COL25A1: variants seen among roughly 807,000 people sequenced by gnomAD.
COL25A1 encodes the protein collagen type XXV alpha 1 chain, also known as collagen alpha-1(XXV) chain.
COL25A1 carries 103 observed loss-of-function variants against 128.4 expected under a neutral mutation model. That is an observed-to-expected ratio of 0.80 (90% CI 0.68 to 0.94). The LOEUF (loss-of-function observed/expected upper bound fraction) is 0.94, where lower values mean the gene tolerates loss of function less well. Ranked by LOEUF, COL25A1 falls within the 40% of genes least tolerant of loss-of-function variation. The pLI, the probability that COL25A1 is intolerant of heterozygous loss-of-function variation, is 0.00. For missense variants in COL25A1, 745 were observed against 840.0 expected, an observed-to-expected ratio of 0.89 and a Z score of 1.40; for synonymous variants, 279 against 277.2, an observed-to-expected ratio of 1.01 and a Z score of -0.06.
At chr4:109,080,123 C>T (rs1394480815) in intron 3 of COL25A1, among the ~76,000 whole-genome samples, 2 of 152,090 alleles carry the variant, frequency 1.3e-5, no homozygotes, top group Non-Finnish European at 2.9e-5. Context: ...AAGCCATGTG[C>T]CAGGTACTGT....
chr4:109,008,164 C>A (rs1756220063), intron 6 of COL25A1, among the ~76,000 whole-genome samples: 1 of 152,204 alleles, frequency 6.6e-6, no homozygotes, highest in Non-Finnish European at 1.5e-5. Flanking sequence ...CCCATATGTC[C>A]CTCTGGCTTC....
In COL25A1 at chr4:109,227,353, G is replaced by T. The variant is rs141386141; in HGVS notation, c.367+73230C>A. The stretch of plus-strand genomic sequence containing the variant: ...AAATGATGTGAAGATGAAATACATA[G>T]CATAATGAATTGTTACTATGTGTGA... On this transcript the variant is annotated intron_variant, in intron 3 of 37. Transcript: ENST00000399132. Among the ~76,000 whole-genome samples, 10 of 152,270 alleles carry T rather than the reference G, an allele frequency of 6.6e-5. No individual in the cohort carries two copies. In the East Asian group the frequency reaches 1.9e-3, roughly 29 times the overall value.
chr4:108,934,559 TTC>T (rs1747188974), intron 11 of COL25A1, among the ~76,000 whole-genome samples: 1 of 152,218 alleles, frequency 6.6e-6, no homozygotes, highest in African/African-American at 2.4e-5. Context: ...TAGTATCCTC[TTC>T]TCTCTTTGAT....
chr4:109,054,518 A>C (rs2125950292), intron 3 of COL25A1, among the ~76,000 whole-genome samples: 1 of 152,360 alleles, frequency 6.6e-6, no homozygotes, highest in South Asian at 2.1e-4. Flanking sequence ...ATCAATAAGA[A>C]TAGTAAGCTT....
chr4:109,228,103 T>A (rs1204631923), intron 3 of COL25A1, among the ~76,000 whole-genome samples: 3 of 152,150 alleles, frequency 2.0e-5, no homozygotes, highest in African/African-American at 4.8e-5. Flanking sequence ...CAATTTGCCT[T>A]CTTTATTTTG....
chr4:109,297,813 T>G (rs1725117830), intron 3 of COL25A1, among the ~76,000 whole-genome samples: 1 of 151,468 alleles, frequency 6.6e-6, no homozygotes, highest in African/African-American at 2.4e-5. Flanking sequence ...CCAGACTATT[T>G]AGGTAAACTA....
At chr4:108,885,401 C>A (rs1264828497) in intron 18 of COL25A1, among the ~76,000 whole-genome samples, 3 of 150,944 alleles carry the variant, frequency 2.0e-5, no homozygotes, top group African/African-American at 7.3e-5. Context: ...TGATTTAGGT[C>A]AAAGTTACTT....
chr4:109,109,382 T>C (rs889706872), intron 3 of COL25A1, among the ~76,000 whole-genome samples: 2 of 152,210 alleles, frequency 1.3e-5, no homozygotes, highest in African/African-American at 4.8e-5. Context: ...CCCTTTCCTC[T>C]TTTCATGTCT....
At chr4:108,983,270 G>C (rs914271584) in intron 6 of COL25A1, among the ~76,000 whole-genome samples, 1 of 151,924 alleles carries the variant, frequency 6.6e-6, no homozygotes, top group South Asian at 2.1e-4. Flanking sequence ...TCCTTTTGTC[G>C]AAAGAAAGTA....
intron 6 of COL25A1, among the ~76,000 whole-genome samples, chr4:108,987,170 G>A (rs1255052230): frequency 6.6e-6 from 1 of 152,014 alleles, no homozygotes; most frequent in Non-Finnish European, 1.5e-5. Context: ...TCTATAACCT[G>A]CTCCTAATTT....
At chr4:109,177,285 G>C (rs1578363695) in intron 3 of COL25A1, among the ~76,000 whole-genome samples, 2 of 152,110 alleles carry the variant, frequency 1.3e-5, no homozygotes, top group African/African-American at 2.4e-5. Flanking sequence ...GTAGAGTGAG[G>C]GGGACTGACA....
chr4:109,222,062 T>TA (rs1288993240), intron 3 of COL25A1, among the ~76,000 whole-genome samples: 2 of 133,260 alleles, frequency 1.5e-5, no homozygotes, highest in African/African-American at 5.9e-5. Context: ...ATAACTTCTT[T>TA]TTTTTTTTTT....
intron 19 of COL25A1, among the ~76,000 whole-genome samples, chr4:108,883,928 G>A (rs1560801914): frequency 1.3e-5 from 2 of 152,070 alleles, no homozygotes; most frequent in Admixed American, 1.3e-4. Flanking sequence ...TCAAATGAAG[G>A]GACATTTACA....
intron 3 of COL25A1, among the ~76,000 whole-genome samples, chr4:109,244,904 A>G (rs2126235374): frequency 6.6e-6 from 1 of 152,264 alleles, no homozygotes; most frequent in Admixed American, 6.5e-5. Context: ...GTGTCTTGAT[A>G]CCTTTATATT....
At chr4:109,140,433 T>A (rs1271104523) in intron 3 of COL25A1, among the ~76,000 whole-genome samples, 1 of 152,178 alleles carries the variant, frequency 6.6e-6, no homozygotes, top group African/African-American at 2.4e-5. Context: ...TGGTTCCATA[T>A]GAAATTTAAA....
chr4:109,156,820 G>A (rs541548449), intron 3 of COL25A1, among the ~76,000 whole-genome samples: 12 of 152,268 alleles, frequency 7.9e-5, no homozygotes, highest in South Asian at 6.2e-4. Context: ...CATTTAATCC[G>A]TTAAGATTTT....
At chr4:108,892,550 T>C (rs149737361) in intron 16 of COL25A1, among the ~76,000 whole-genome samples, 1 of 152,350 alleles carries the variant, frequency 6.6e-6, no homozygotes, top group East Asian at 1.9e-4. Flanking sequence ...AATGAAGTTA[T>C]AATCCTTGTC....
intron 3 of COL25A1, among the ~76,000 whole-genome samples, chr4:109,067,177 C>T (rs1762517707): frequency 6.6e-6 from 1 of 152,074 alleles, no homozygotes; most frequent in African/African-American, 2.4e-5. Context: ...AGTTGTGCTT[C>T]GTGTCTTACA....
At chr4:108,965,058 C>CA (rs553908535) in intron 8 of COL25A1, among the ~76,000 whole-genome samples, 8 of 152,142 alleles carry the variant, frequency 5.3e-5, no homozygotes, top group Admixed American at 3.3e-4. Context: ...TTAGCAGAGC[C>CA]AAAAAATCTT....
Sources: allele counts gnomAD v4.1 joint callset (sites outside exome capture counted in the v4.1 genomes callset), GRCh38; gene constraint gnomAD v4.1.1; transcripts MANE v1.5; gene names NCBI Gene and HGNC (gene_info 2026-07-23, HGNC 2026-07-21).